Variants in CFAP46 observed in about 807,000 individuals in gnomAD.
CFAP46 encodes the protein cilia- and flagella-associated protein 46.
A neutral mutation model predicts 325.7 loss-of-function variants in CFAP46; 245 were observed. The ratio of observed to expected loss-of-function variants is 0.75; its 90% CI spans 0.68 to 0.84. The LOEUF is 0.84. Among genes scored for constraint, CFAP46 ranks in the 40% least tolerant of loss-of-function variants. The probability of loss-of-function intolerance (pLI) is 0.00; values close to 1 mark genes in which losing one functional copy is unlikely to be tolerated. For synonymous variants in CFAP46, 1,523 were observed against 1,495.9 expected (o/e 1.02, Z -0.42); for missense variants, 3,346 against 3,543.0 (o/e 0.94, Z 1.41).
intron 39 of CFAP46, among the ~76,000 whole-genome samples, chr10:132,852,966 T>A (rs1052893823): frequency 6.6e-6 from 1 of 152,248 alleles, no homozygotes; most frequent in South Asian, 2.1e-4. Context: ...TGCATAGGAC[T>A]GTGTATGCAG....
rs150878951 is a variant in CFAP46 at position 132,879,493 on chromosome 10, G to A, written c.3938C>T (p.Ser1313Leu). The change falls in exon 29 of 58, where the codon TCG (serine) becomes TTG (leucine). Residue 1313 changes from serine (S) to leucine (L), a missense_variant. Ser to Leu is a moderately radical substitution (Grantham distance 145). Transcript: ENST00000368586. ...RVHILLALVLSPGAEGYEDCC... is the reference protein window; with the variant it reads ...RVHILLALVLLPGAEGYEDCC... ...GTCCTCGTAGCCCTCGGCGCCCGGCGACAGCACCAGGGCCAGCAGGATGTG... is the reference window on the plus strand; with the variant it reads ...GTCCTCGTAGCCCTCGGCGCCCGGCAACAGCACCAGGGCCAGCAGGATGTG... The A allele has an allele frequency of 3.5e-4, 534 of 1,546,854 alleles. 2 individuals are homozygous for A. The African/African-American group carries it at 6.0e-3, about 17-fold the overall frequency.
intron 50 of CFAP46, among the ~76,000 whole-genome samples, chr10:132,819,958 A>C (rs774471793): frequency 6.6e-6 from 1 of 152,222 alleles, no homozygotes; most frequent in African/African-American, 2.4e-5. Flanking sequence ...TGATCTATGG[A>C]GTGGGAGAAA....
chr10:132,853,773 G>A (rs527926997), intron 39 of CFAP46, among the ~76,000 whole-genome samples: 3 of 152,202 alleles, frequency 2.0e-5, no homozygotes, highest in East Asian at 3.9e-4. Context: ...TTTCCATTTC[G>A]TCTAAGTTGG....
At chr10:132,912,866 C>T (rs747443384) in intron 18 of CFAP46, 46 bp from the exon 19 acceptor site, 34 of 1,538,794 alleles carry the variant, frequency 2.2e-5, no homozygotes, top group African/African-American at 4.1e-5. Flanking sequence ...CCGCAGGCCT[C>T]GCCCCGATCC....
At chr10:132,841,065 G>A (rs1473902757) in intron 44 of CFAP46, among the ~76,000 whole-genome samples, 1 of 152,132 alleles carries the variant, frequency 6.6e-6, no homozygotes, top group Non-Finnish European at 1.5e-5. Context: ...GAGTTTTGGA[G>A]GGAACATTCA....
At chr10:132,910,184 C>T in intron 19 of CFAP46, 116 bp from the exon 20 acceptor site, 2 of 1,051,276 alleles carry the variant, frequency 1.9e-6, no homozygotes, top group Non-Finnish European at 2.5e-6. Context: ...CCGTGAAGGG[C>T]CTTAAACACG....
At chr10:132,912,984 C>G in intron 18 of CFAP46, 62 bp downstream of exon 18, 1 of 1,525,998 alleles carries the variant, frequency 6.6e-7, no homozygotes, top group Non-Finnish European at 8.8e-7. Context: ...CCTGCCTTTG[C>G]TCTGGGGTCT....
At position 132,899,007 on chromosome 10, in the gene CFAP46, G is replaced by A. The variant is rs1273783279; in HGVS notation, c.3171C>T (p.Ala1057=). The A allele has an allele frequency of 1.9e-6, 3 of 1,550,466 alleles. No homozygotes were observed. The highest frequency in any genetic ancestry group is 2.6e-6 in the Non-Finnish European group (3 of 1,146,990). The change falls in exon 24 of 58, where the codon GCC becomes GCT. Residue 1057 remains alanine (A), a synonymous_variant. Coordinates refer to ENST00000368586, the MANE Select transcript of CFAP46 (RefSeq NM_001200049.3). ...TGATGATGCCGATGAGCCTCTTCAG[G>A]GCACCCTTGGCCTTCTTCCTGTAGA... is the stretch of plus-strand genomic sequence containing the variant. ...SAVYRKKAKG[A]LKRLIGIINK...
intron 8 of CFAP46, among the ~76,000 whole-genome samples, chr10:132,934,277 G>A (rs1400523209): frequency 3.2e-5 from 1 of 31,692 alleles, no homozygotes; most frequent in Non-Finnish European, 5.8e-5. Context: ...CCGTGCCCAC[G>A]AAGGCAAAAC....
At chr10:132,935,795 A>AT (rs148935373) in intron 7 of CFAP46, among the ~76,000 whole-genome samples, 2 of 77,616 alleles carry the variant, frequency 2.6e-5, no homozygotes, top group Admixed American at 1.3e-4. Context: ...CACTCCCCTC[A>AT]CATCCAAACA....
At chr10:132,924,226 C>G (rs555118836) in intron 11 of CFAP46, among the ~76,000 whole-genome samples, 8 of 150,912 alleles carry the variant, frequency 5.3e-5, no homozygotes, top group African/African-American at 2.0e-4. Flanking sequence ...ATGGTCCACC[C>G]TGATGCCTGC....
At chr10:132,941,135 G>C (rs983080488) in intron 3 of CFAP46, 75 bp from the exon 4 acceptor site, 26 of 1,484,124 alleles carry the variant, frequency 1.8e-5, no homozygotes, top group African/African-American at 2.8e-5. Flanking sequence ...GGATGCCACG[G>C]CTCCCTCACG....
At chr10:132,858,162 G>C (rs562357654) in intron 38 of CFAP46, among the ~76,000 whole-genome samples, 1 of 152,216 alleles carries the variant, frequency 6.6e-6, no homozygotes, top group Admixed American at 6.5e-5. Context: ...CTTCCCTCGC[G>C]CAGGCTTCTA....
chr10:132,937,979 G>A (rs1304344244), intron 5 of CFAP46, among the ~76,000 whole-genome samples: 1 of 152,190 alleles, frequency 6.6e-6, no homozygotes. Context: ...GCTTGGTGCC[G>A]AGGGGAGCTG....
chr10:132,885,405 G>A (rs1849107408), intron 26 of CFAP46, 119 bp from the exon 27 acceptor site: 2 of 1,046,444 alleles, frequency 1.9e-6, no homozygotes, highest in Non-Finnish European at 2.7e-6. Flanking sequence ...GCAAAGCAGA[G>A]CCCAGGTGAG....
In CFAP46 at chr10:132,866,184, G is replaced by A. The variant is rs949503400; in HGVS notation, c.4744-13C>T. 31 of 1,501,024 alleles carry A rather than the reference G, an allele frequency of 2.1e-5. No homozygotes were observed. Among genetic ancestry groups the A allele is most frequent in the African/African-American group, 4.2e-5 (3 of 71,414 alleles). 93.0% of individuals were successfully genotyped at this position (1,501,024 alleles called of 1,614,324 possible). A position where few individuals can be genotyped will look rare whatever the true frequency, so the allele number is the denominator to read the frequency against. ...TCATCTTCAAAATCTGTAAGATACC[G>A]CAGCCCCAGGCGGCACGATCCTGAC... is the stretch of plus-strand genomic sequence containing the variant. On this transcript the variant is annotated splice_polypyrimidine_tract_variant and intron_variant, in intron 34 of 57. Coordinates refer to ENST00000368586, the MANE Select transcript of CFAP46 (RefSeq NM_001200049.3).
rs1490213265 is a variant in CFAP46 at position 132,922,179 on chromosome 10, G to A, written c.1531C>T (p.Leu511Phe). ...AAGGCCAGGCCTGCATTCACCAGGAGGGCCCGCTTCTTCCTGACGCTGTCC... is the reference window on the plus strand; with the variant it reads ...AAGGCCAGGCCTGCATTCACCAGGAAGGCCCGCTTCTTCCTGACGCTGTCC... The part of the protein sequence containing the change: ...PKDSVRKKRA[L>F]LVNAGLALAP... The change falls in exon 13 of 58, where the codon CTC becomes TTC. Residue 511 changes from leucine to phenylalanine, a missense_variant. Leu to Phe is a conservative substitution (Grantham distance 22). Transcript: ENST00000368586. The A allele has an allele frequency of 3.2e-6, 5 of 1,550,500 alleles. No individual in the cohort carries two copies. The highest frequency in any genetic ancestry group is 4.4e-6 in the Non-Finnish European group (5 of 1,146,946).
chr10:132,938,739 A>T lies in CFAP46; in HGVS notation c.386T>A (p.Val129Glu), dbSNP rs1035477958. The change falls in exon 5 of 58, where the codon GTG (valine) becomes GAG (glutamate). Residue 129 changes from valine to glutamate, a missense_variant. By Grantham distance (121) the Val-to-Glu change is moderately radical. Coordinates refer to ENST00000368586, the MANE Select transcript of CFAP46 (RefSeq NM_001200049.3). ...CCAGTAGAGGACTGATGCATTGTAC[A>T]CCAAAAAGTAGTACCTGCGGCGCGA... is the stretch of plus-strand genomic sequence containing the variant. ...AKGEPRYYFL[V>E]YNASVLYWQM... 1 of 1,612,648 alleles carries T rather than the reference A, an allele frequency of 6.2e-7. No homozygotes were observed.
At chr10:132,928,256 G>A (rs568556499) in intron 9 of CFAP46, among the ~76,000 whole-genome samples, 5 of 152,264 alleles carry the variant, frequency 3.3e-5, no homozygotes, top group Non-Finnish European at 7.3e-5. Context: ...CTGGGAAGGA[G>A]GAAGTGGGGC....
Sources: allele counts gnomAD v4.1 joint callset (sites outside exome capture counted in the v4.1 genomes callset), GRCh38; gene constraint gnomAD v4.1.1; transcripts MANE v1.5; gene names NCBI Gene and HGNC (gene_info 2026-07-23, HGNC 2026-07-21).